The following ARFGEF1 variants were observed in gnomAD, a reference collection of about 807,000 sequenced individuals.
ARFGEF1 encodes the protein brefeldin A-inhibited guanine nucleotide-exchange protein 1.
Under a neutral mutation model 231.0 loss-of-function variants are expected in ARFGEF1, and 42 were observed. That is an observed-to-expected ratio of 0.18 (90% CI 0.14 to 0.24). ARFGEF1 has a LOEUF of 0.24. ARFGEF1 is among the 10% of genes least tolerant of loss of function. The pLI, the probability that ARFGEF1 is intolerant of heterozygous loss-of-function variation, is 1.00. For missense variants in ARFGEF1, 1,345 were observed against 2,192.0 expected (o/e 0.61, Z 7.72); for synonymous variants, 710 against 732.3 (o/e 0.97, Z 0.49).
intron 10 of ARFGEF1, 71 bp downstream of exon 10, chr8:67,271,631 A>T: frequency 8.9e-7 from 1 of 1,120,092 alleles, no homozygotes; most frequent in Non-Finnish European, 1.3e-6. Context: ...TTTGCAGTGT[A>T]TTCAAATATA....
At chr8:67,285,935 G>A (rs1805739290) in intron 7 of ARFGEF1, among the ~76,000 whole-genome samples, 1 of 152,098 alleles carries the variant, frequency 6.6e-6, no homozygotes, top group African/African-American at 2.4e-5. Flanking sequence ...CTAAACCAAA[G>A]AGACAGATAA....
rs182821258 is a variant in ARFGEF1, at chr8:67,219,374, T to C, written c.4338+57A>G. 1,995 of 1,561,154 alleles carry C rather than the reference T, an allele frequency of 1.3e-3. 2 individuals carry two copies. The highest frequency in any genetic ancestry group is 3.5e-3 in the Middle Eastern group (18 of 5,136). The stretch of plus-strand genomic sequence containing the variant: ...TTGAAACACTAAAATGTATTGATTA[T>C]AATACTGAGAATCTTTTAACTTGAC... On this transcript the variant is annotated intron_variant, in intron 30 of 38. Coordinates refer to ENST00000262215, the MANE Select transcript of ARFGEF1 (RefSeq NM_006421.5).
chr8:67,235,381 G>C (rs1839694392), intron 22 of ARFGEF1, among the ~76,000 whole-genome samples: 1 of 152,026 alleles, frequency 6.6e-6, no homozygotes, highest in Admixed American at 6.6e-5. Flanking sequence ...TAGAAGGATG[G>C]TTATGTAGAA....
downstream of ARFGEF1, chr8:67,195,348 G>C (rs780395454): frequency 1.4e-6 from 2 of 1,461,928 alleles, no homozygotes; most frequent in Admixed American, 1.7e-5. Flanking sequence ...TGCCACCTGT[G>C]TTACCTGAGC....
At chr8:67,338,680 GAAAGA>G (rs1808458626) in intron 1 of ARFGEF1, among the ~76,000 whole-genome samples, 1 of 152,160 alleles carries the variant, frequency 6.6e-6, no homozygotes, top group Non-Finnish European at 1.5e-5. Flanking sequence ...TCTGAAATGT[GAAAGA>G]AAAGAACAAA....
At chr8:67,274,507 T>C (rs566374189) in intron 9 of ARFGEF1, among the ~76,000 whole-genome samples, 5 of 152,092 alleles carry the variant, frequency 3.3e-5, no homozygotes, top group Non-Finnish European at 7.4e-5. Context: ...CTTGTTAATT[T>C]ACATCATTCC....
intron 33 of ARFGEF1, among the ~76,000 whole-genome samples, chr8:67,215,557 G>T (rs949619570): frequency 2.0e-5 from 3 of 152,196 alleles, no homozygotes; most frequent in South Asian, 2.1e-4. Context: ...AAAACAAAAA[G>T]GAGAGGGAGA....
chr8:67,236,515 A>T (rs1366296332), intron 22 of ARFGEF1, among the ~76,000 whole-genome samples: 1 of 151,052 alleles, frequency 6.6e-6, no homozygotes, highest in Non-Finnish European at 1.5e-5. Context: ...CTGCTGTCTG[A>T]CCTTGGTAGG....
At chr8:67,275,804 T>C (rs1563881964) in intron 9 of ARFGEF1, among the ~76,000 whole-genome samples, 172 bp downstream of exon 9, 1 of 152,164 alleles carries the variant, frequency 6.6e-6, no homozygotes, top group Non-Finnish European at 1.5e-5. Context: ...TCCAGCAGTT[T>C]TGAATTGTTT....
At chr8:67,178,871 GAAGCTGCCAAGGTCTTT>G in intron 5 of ARFGEF1, among the ~76,000 whole-genome samples, 1 of 152,194 alleles carries the variant, frequency 6.6e-6, no homozygotes, top group Non-Finnish European at 1.5e-5. Flanking sequence ...CATGTGATGG[GAAGCTGCCAAGGTCTTT>G]AAGTGGAGGA....
At chr8:67,313,972 C>T (rs1226235076) in intron 1 of ARFGEF1, among the ~76,000 whole-genome samples, 1 of 152,034 alleles carries the variant, frequency 6.6e-6, no homozygotes, top group Non-Finnish European at 1.5e-5. Context: ...GTGAGATTCC[C>T]AGGTCACTGG....
intron 19 of ARFGEF1, 41 bp from the exon 20 acceptor site, chr8:67,240,331 T>A: frequency 6.6e-7 from 1 of 1,512,742 alleles, no homozygotes; most frequent in South Asian, 1.2e-5. Flanking sequence ...AAGATTATGA[T>A]AACACATTAA....
At chr8:67,299,463 T>A in intron 3 of ARFGEF1, 108 bp from the exon 4 acceptor site, 1 of 1,039,552 alleles carries the variant, frequency 9.6e-7, no homozygotes, top group Admixed American at 3.5e-5. Flanking sequence ...ACATAAAATT[T>A]TTACACAAAA....
chr8:67,235,111 C>T (rs532310468), intron 22 of ARFGEF1, among the ~76,000 whole-genome samples: 16 of 145,138 alleles, frequency 1.1e-4, no homozygotes, highest in East Asian at 9.9e-4. Context: ...TATATATATA[C>T]ACACACACAC....
At chr8:67,252,323 CT>C (rs1269317182) in intron 18 of ARFGEF1, among the ~76,000 whole-genome samples, 2 of 142,050 alleles carry the variant, frequency 1.4e-5, no homozygotes, top group African/African-American at 5.1e-5. Context: ...GCAATGGCAT[CT>C]TTGTACCACA....
At chr8:67,291,140 A>G (rs963603796) in intron 6 of ARFGEF1, among the ~76,000 whole-genome samples, 1 of 152,170 alleles carries the variant, frequency 6.6e-6, no homozygotes, top group African/African-American at 2.4e-5. Flanking sequence ...AGGAAGGGCA[A>G]AGGGAGAACA....
At chr8:67,313,344 G>T (rs1018535782) in intron 1 of ARFGEF1, among the ~76,000 whole-genome samples, 1 of 152,122 alleles carries the variant, frequency 6.6e-6, no homozygotes, top group Non-Finnish European at 1.5e-5. Context: ...ATTTTTGCGG[G>T]ATGCTGACAG....
At position 67,204,837 on chromosome 8, in the gene ARFGEF1, C is replaced by G. The variant is rs376184467; in HGVS notation, c.4820-18G>C. On this transcript the variant is annotated intron_variant, in intron 34 of 38. Coordinates refer to ENST00000262215, the MANE Select transcript of ARFGEF1 (RefSeq NM_006421.5). ...TGGAAATTCTGTGAGGAAACCCCCC[C>G]CAATGCACATGCAAACAAAAAATTA... The G allele has an allele frequency of 3.0e-5, 48 of 1,612,052 alleles. No homozygotes were observed. The highest frequency in any genetic ancestry group is 3.7e-5 in the Non-Finnish European group (44 of 1,179,698).
intron 5 of ARFGEF1, among the ~76,000 whole-genome samples, chr8:67,293,650 A>G (rs1806106301): frequency 6.6e-6 from 1 of 152,186 alleles, no homozygotes; most frequent in Admixed American, 6.5e-5. Context: ...AGAGCAAAAT[A>G]CAAAAGAGAA....
Sources: allele counts gnomAD v4.1 joint callset (sites outside exome capture counted in the v4.1 genomes callset), GRCh38; gene constraint gnomAD v4.1.1; transcripts MANE v1.5; gene names NCBI Gene and HGNC (gene_info 2026-07-23, HGNC 2026-07-21).